Variants in SOX5 observed in about 807,000 individuals in gnomAD.
SOX5 encodes transcription factor SOX-5.
SOX5 carries 9 observed loss-of-function variants against 92.0 expected under a neutral mutation model. That is an observed-to-expected ratio of 0.10 (90% CI 0.06 to 0.17). SOX5 has a LOEUF of 0.17. SOX5 is among the 10% of genes least tolerant of loss of function. SOX5 has a pLI of 1.00. For missense variants in SOX5, 642 were observed against 944.5 expected (o/e 0.68, Z 4.20); for synonymous variants, 344 against 336.3 (o/e 1.02, Z -0.25).
At chr12:24,105,778 G>C (rs749729172) in intron 4 of SOX5, among the ~76,000 whole-genome samples, 7 of 152,126 alleles carry the variant, frequency 4.6e-5, no homozygotes, top group Non-Finnish European at 8.8e-5. Flanking sequence ...AGTCAGAGCA[G>C]GAGAATTAAT....
chr12:24,032,758 A>G (rs1028515071), intron 4 of SOX5, among the ~76,000 whole-genome samples: 5 of 151,936 alleles, frequency 3.3e-5, no homozygotes, highest in Non-Finnish European at 7.4e-5. Context: ...TTAAAACTTA[A>G]CTAAGGAAAT....
chr12:24,185,417 T>C (rs1955915008), intron 4 of SOX5, among the ~76,000 whole-genome samples: 1 of 152,216 alleles, frequency 6.6e-6, no homozygotes, highest in African/African-American at 2.4e-5. Context: ...CTCATAGTGC[T>C]ATACACTTCC....
intron 4 of SOX5, among the ~76,000 whole-genome samples, chr12:24,124,148 C>T (rs896363311): frequency 6.6e-6 from 1 of 151,886 alleles, no homozygotes; most frequent in Non-Finnish European, 1.5e-5. Context: ...TCCTTTGGTC[C>T]CACCTGCTGT....
chr12:23,924,912 A>G (rs933961668), intron 1 of SOX5, among the ~76,000 whole-genome samples: 5 of 152,104 alleles, frequency 3.3e-5, no homozygotes, highest in African/African-American at 1.2e-4. Context: ...ATAAGTTAAT[A>G]GAAAACCCAA....
chr12:24,221,891 G>A (rs762201455), intron 3 of SOX5, among the ~76,000 whole-genome samples: 1 of 152,212 alleles, frequency 6.6e-6, no homozygotes, highest in Non-Finnish European at 1.5e-5. Flanking sequence ...TAAATAGCAC[G>A]ATGGCATACT....
intron 1 of SOX5, among the ~76,000 whole-genome samples, chr12:24,507,457 T>C (rs1415843742): frequency 1.3e-5 from 2 of 151,160 alleles, no homozygotes; most frequent in Non-Finnish European, 2.9e-5. Flanking sequence ...ATATGACAAC[T>C]GACCTACTTT....
At chr12:24,277,556 T>TACATATAAA (rs1944639521) in intron 2 of SOX5, among the ~76,000 whole-genome samples, 2 of 69,846 alleles carry the variant, frequency 2.9e-5, no homozygotes, top group East Asian at 5.6e-4. Context: ...TAAATTTATA[T>TACATATAAA]TTATATATTA....
At chr12:23,916,132 T>C (rs1021464454) in intron 1 of SOX5, among the ~76,000 whole-genome samples, 3 of 152,224 alleles carry the variant, frequency 2.0e-5, no homozygotes, top group Non-Finnish European at 2.9e-5. Context: ...TTTCAATCTA[T>C]GTAGCTATTT....
At chr12:24,338,191 A>T (rs1952129959) in intron 2 of SOX5, among the ~76,000 whole-genome samples, 1 of 152,202 alleles carries the variant, frequency 6.6e-6, no homozygotes, top group South Asian at 2.1e-4. Flanking sequence ...CATTTATAAA[A>T]AATTTATTTT....
At chr12:23,987,535 A>G (rs1003409895) in intron 4 of SOX5, among the ~76,000 whole-genome samples, 1 of 152,148 alleles carries the variant, frequency 6.6e-6, no homozygotes, top group Non-Finnish European at 1.5e-5. Flanking sequence ...GTTCACCCCT[A>G]CAATCCTAGC....
intron 3 of SOX5, among the ~76,000 whole-genome samples, chr12:24,251,546 T>C (rs1267784914): frequency 2.6e-5 from 4 of 151,896 alleles, no homozygotes; most frequent in Non-Finnish European, 5.9e-5. Flanking sequence ...CCTTGTCCTA[T>C]TGAACTAGGA....
At chr12:23,606,335 T>C (rs974283673) in intron 8 of SOX5, among the ~76,000 whole-genome samples, 2 of 151,844 alleles carry the variant, frequency 1.3e-5, no homozygotes, top group Non-Finnish European at 2.9e-5. Context: ...CATATTGTAT[T>C]GTATATTGTA....
At chr12:23,557,265 A>C (rs1258103034) in intron 11 of SOX5, among the ~76,000 whole-genome samples, 1 of 152,186 alleles carries the variant, frequency 6.6e-6, no homozygotes, top group Non-Finnish European at 1.5e-5. Flanking sequence ...TTATTGAGTA[A>C]ATTCTTAATT....
chr12:24,275,106 T>C (rs765299969), intron 3 of SOX5, among the ~76,000 whole-genome samples: 2 of 152,180 alleles, frequency 1.3e-5, no homozygotes, highest in Non-Finnish European at 2.9e-5. Context: ...CAGAGATATA[T>C]ATAGTGTCTT....
intron 3 of SOX5, among the ~76,000 whole-genome samples, chr12:24,214,482 T>C (rs1959008828): frequency 6.6e-6 from 1 of 152,128 alleles, no homozygotes; most frequent in Non-Finnish European, 1.5e-5. Flanking sequence ...ATATTTTTTA[T>C]ATGGGGAAGT....
At chr12:23,891,402 A>G (rs922083041) in intron 2 of SOX5, among the ~76,000 whole-genome samples, 4 of 152,228 alleles carry the variant, frequency 2.6e-5, no homozygotes, top group African/African-American at 9.6e-5. Context: ...CAGAACTTCT[A>G]TCTCAAGAAC....
chr12:24,014,992 C>A lies in SOX5; in HGVS notation c.-1-118968G>T, dbSNP rs570439897. ...TCATCTTCTCACTCCCCAGAGACCT[C>A]TAACTTGCAGAGGAATCAAGCACAT... On this transcript the variant is annotated intron_variant, in intron 4 of 4. Coordinates refer to the SOX5 transcript ENST00000446891. Among the ~76,000 whole-genome samples, 13 of 152,250 alleles carry A rather than the reference C, an allele frequency of 8.5e-5. No homozygotes were observed. The South Asian group carries it at 2.7e-3, about 32-fold the overall frequency.
chr12:23,816,067 A>T (rs917569649), intron 3 of SOX5, among the ~76,000 whole-genome samples: 1 of 152,174 alleles, frequency 6.6e-6, no homozygotes, highest in Non-Finnish European at 1.5e-5. Context: ...TTTTTTCAAC[A>T]ACTCATAAAT....
At chr12:23,595,570 G>C (rs2137248370) in intron 9 of SOX5, among the ~76,000 whole-genome samples, 1 of 124,686 alleles carries the variant, frequency 8.0e-6, no homozygotes, top group South Asian at 2.7e-4. Context: ...AGTGAGCCCA[G>C]ATTGTGCCAC....
Sources: allele counts gnomAD v4.1 joint callset (sites outside exome capture counted in the v4.1 genomes callset), GRCh38; gene constraint gnomAD v4.1.1; transcripts MANE v1.5; gene names NCBI Gene and HGNC (gene_info 2026-07-23, HGNC 2026-07-21).